Variants in MGMT observed in about 807,000 individuals in gnomAD.
MGMT encodes O-6-methylguanine-DNA methyltransferase, also known as methylated-DNA--protein-cysteine methyltransferase.
MGMT carries 14 observed loss-of-function variants against 15.9 expected under a neutral mutation model. The ratio of observed to expected loss-of-function variants is 0.88; its 90% CI spans 0.58 to 1.37. MGMT has a LOEUF of 1.37. MGMT is among the 40% of genes most tolerant of loss of function. MGMT has a pLI of 0.00. For synonymous variants in MGMT, 130 were observed against 118.2 expected, an observed-to-expected ratio of 1.10 and a Z score of -0.65; for missense variants, 282 against 268.1, an observed-to-expected ratio of 1.05 and a Z score of -0.36.
At chr10:129,736,640 C>T (rs1848565824) in intron 3 of MGMT, among the ~76,000 whole-genome samples, 1 of 152,164 alleles carries the variant, frequency 6.6e-6, no homozygotes, top group Non-Finnish European at 1.5e-5. Context: ...TTAGTTGATG[C>T]AGTTTTTTCC....
At chr10:129,550,520 C>G (rs1336962684) in intron 2 of MGMT, among the ~76,000 whole-genome samples, 1 of 151,200 alleles carries the variant, frequency 6.6e-6, no homozygotes, top group African/African-American at 2.4e-5. Context: ...GATCTCGGCT[C>G]ACTGCAACCT....
chr10:129,508,361 G>A lies in MGMT; in HGVS notation c.-12-27880G>A, dbSNP rs539794458. Among the ~76,000 whole-genome samples the A allele has an allele frequency of 1.8e-4, 27 of 152,212 alleles. No homozygotes were observed. In the East Asian group the frequency reaches 4.1e-3, roughly 23 times the overall value. On this transcript the variant is annotated intron_variant, in intron 1 of 4. Coordinates refer to ENST00000651593, the MANE Select transcript of MGMT (RefSeq NM_002412.5). ...CAGGGGAAGGAGGAAGAGAGGAGTC[G>A]TAGGGCTGGAAAAGGAGAAAAAAGT...
At chr10:129,510,738 G>C (rs188828826) in intron 1 of MGMT, among the ~76,000 whole-genome samples, 5 of 152,192 alleles carry the variant, frequency 3.3e-5, no homozygotes, top group Admixed American at 1.3e-4. Flanking sequence ...CCAGATGCAG[G>C]CATGTGCTTC....
Position 129,472,506 on chromosome 10 carries a change from G to C in MGMT, c.-13+5210G>C, listed in dbSNP as rs1020673113. Among the ~76,000 whole-genome samples, 14 of 152,116 alleles carry C rather than the reference G, an allele frequency of 9.2e-5. 1 individual carries two copies. The highest frequency in any genetic ancestry group is 1.8e-4 in the Non-Finnish European group (12 of 68,026). On this transcript the variant is annotated intron_variant, in intron 1 of 4. Coordinates refer to ENST00000651593, the MANE Select transcript of MGMT (RefSeq NM_002412.5). ...CCAGTCCAATCCGAATCTGTATTTT[G>C]CAGATCTGCACACACCCAAGCCCTC...
At chr10:129,468,033 G>A (rs183149795) in intron 1 of MGMT, among the ~76,000 whole-genome samples, 37 of 152,280 alleles carry the variant, frequency 2.4e-4, no homozygotes, top group East Asian at 3.9e-4. Flanking sequence ...TGCCTGCTGA[G>A]ATCATCATCA....
Position 129,566,347 on chromosome 10 carries a change from G to A in MGMT, c.125+29970G>A, listed in dbSNP as rs1168231643. On this transcript the variant is annotated intron_variant, in intron 2 of 4. Coordinates refer to ENST00000651593, the MANE Select transcript of MGMT (RefSeq NM_002412.5). This position sits in a 1 kb window ranked among gnomAD's most constrained non-coding sequence, Gnocchi z 4.1. The stretch of plus-strand genomic sequence containing the variant: ...TACGTTGCCAAGGAGATGCTCGCTC[G>A]GAGTGGTTGCTCTGGCTCTGGGATT... Among the ~76,000 whole-genome samples the A allele has an allele frequency of 6.6e-6, 1 of 152,184 alleles. No individual in the cohort carries two copies. Among genetic ancestry groups the A allele is most frequent in the Non-Finnish European group, 1.5e-5 (1 of 68,028 alleles).
intron 2 of MGMT, among the ~76,000 whole-genome samples, chr10:129,560,954 AGTGTGT>A (rs57984603): frequency 0.038 from 5,058 of 133,220 alleles, 251 homozygotes; most frequent in African/African-American, 0.12. Flanking sequence ...AGTAAAGAGC[AGTGTGT>A]GTGTGTGTGT....
intron 2 of MGMT, among the ~76,000 whole-genome samples, chr10:129,660,042 G>A (rs551904909): frequency 5.9e-5 from 9 of 152,154 alleles, no homozygotes; most frequent in Non-Finnish European, 1.3e-4. Context: ...TATTTCTTGC[G>A]ACATTTTGGT....
rs578182331 is a variant in MGMT, at chr10:129,527,071, C to T, written c.-12-9170C>T. Among the ~76,000 whole-genome samples the T allele has an allele frequency of 8.6e-4, 131 of 152,316 alleles. 1 individual carries two copies. Among genetic ancestry groups the T allele is most frequent in the South Asian group, 2.1e-4 (1 of 4,820 alleles). On this transcript the variant is annotated intron_variant, in intron 1 of 4. Transcript: ENST00000651593. ...CGGGAGCACTACCAGCCTGTGGGGCCGTGGGCTTGTGCTTCGCCGGAGTGG... is the reference window on the plus strand; with the variant it reads ...CGGGAGCACTACCAGCCTGTGGGGCTGTGGGCTTGTGCTTCGCCGGAGTGG...
chr10:129,660,281 G>T (rs988433965), intron 2 of MGMT, among the ~76,000 whole-genome samples: 38 of 152,194 alleles, frequency 2.5e-4, no homozygotes, highest in Admixed American at 2.4e-3. Flanking sequence ...ATAGCATGGG[G>T]TGGTATCTCG....
intron 3 of MGMT, among the ~76,000 whole-genome samples, chr10:129,734,026 T>C (rs1254118013): frequency 6.6e-6 from 1 of 151,636 alleles, no homozygotes; most frequent in Non-Finnish European, 1.5e-5. Flanking sequence ...TGGCTTAGGA[T>C]TGACTTGGCG....
At chr10:129,553,640 C>T (rs1208498252) in intron 2 of MGMT, among the ~76,000 whole-genome samples, 1 of 152,192 alleles carries the variant, frequency 6.6e-6, no homozygotes, top group Non-Finnish European at 1.5e-5. Flanking sequence ...ACAACCTGGC[C>T]TCAAGGAGCT....
chr10:129,515,039 G>A (rs1398074684), intron 1 of MGMT, among the ~76,000 whole-genome samples: 4 of 152,212 alleles, frequency 2.6e-5, no homozygotes. Context: ...AGACAGATGG[G>A]ACCTGAGAGA....
chr10:129,646,152 C>T (rs1313653090), intron 2 of MGMT, among the ~76,000 whole-genome samples: 2 of 152,136 alleles, frequency 1.3e-5, no homozygotes, highest in Admixed American at 6.5e-5. Context: ...AAGAGCCTCC[C>T]AGTGTTCAGA....
chr10:129,648,166 T>G (rs1174844733), intron 2 of MGMT, among the ~76,000 whole-genome samples: 1 of 152,242 alleles, frequency 6.6e-6, no homozygotes, highest in African/African-American at 2.4e-5. Flanking sequence ...AATATTTTAT[T>G]TATTACACTT....
intron 2 of MGMT, among the ~76,000 whole-genome samples, chr10:129,685,085 C>T (rs752659100): frequency 1.8e-4 from 27 of 152,304 alleles, no homozygotes; most frequent in Non-Finnish European, 1.9e-4. Flanking sequence ...CCAGAATGTT[C>T]TGTGAGGAGA....
chr10:129,705,057 G>A (rs7092285), intron 2 of MGMT, among the ~76,000 whole-genome samples: 2,981 of 152,316 alleles, frequency 0.02, 102 homozygotes, highest in African/African-American at 0.068. Flanking sequence ...CACGGGTGCA[G>A]TTCTGTGCCT....
chr10:129,563,853 TG>T (rs1846308640), intron 2 of MGMT: 1 of 152,250 alleles, frequency 6.6e-6, no homozygotes. Context: ...GGGAACGCAC[TG>T]CGTTAATGGC....
rs1846445395 is a variant in MGMT, at chr10:129,573,663, GCTAA to G, written c.125+37292_125+37295del. On this transcript the variant is annotated intron_variant, in intron 2 of 4. Coordinates refer to ENST00000651593, the MANE Select transcript of MGMT (RefSeq NM_002412.5). ...AACCTATCTTTATTTTCATCTAAATGCTAACTAACCAACTTTTTCAGTATCTTTT... is the reference window on the plus strand; with the variant it reads ...AACCTATCTTTATTTTCATCTAAATGCTAACCAACTTTTTCAGTATCTTTT... Among the ~76,000 whole-genome samples the G allele has an allele frequency of 2.0e-5, 3 of 151,972 alleles. No homozygotes were observed. The South Asian group carries it at 6.2e-4, about 31-fold the overall frequency.
Sources: gnomAD v4.1 joint callset for allele counts (sites outside exome capture counted in the v4.1 genomes callset) on GRCh38, gnomAD v4.1.1 for gene constraint, Gnocchi (gnomAD v3.1) non-coding constraint, MANE v1.5 for transcripts, NCBI Gene and HGNC (gene_info 2026-07-23, HGNC 2026-07-21) for gene names.